MGAT4C: variants seen among roughly 807,000 people sequenced by gnomAD.
MGAT4C encodes MGAT4 family member C, also known as alpha-1,3-mannosyl-glycoprotein 4-beta-N-acetylglucosaminyltransferase C.
In MGAT4C, 19 loss-of-function variants were observed where a neutral mutation model predicts 40.1. That is an observed-to-expected ratio of 0.47 (90% confidence interval 0.33 to 0.70). The LOEUF is 0.70. Among genes scored for constraint, MGAT4C ranks in the 30% least tolerant of loss-of-function variants. The probability of loss-of-function intolerance (pLI) is 0.02; values close to 1 mark genes in which losing one functional copy is unlikely to be tolerated. For missense variants in MGAT4C, 491 were observed against 563.2 expected, an observed-to-expected ratio of 0.87 and a Z score of 1.30; for synonymous variants, 181 against 187.1, an observed-to-expected ratio of 0.97 and a Z score of 0.27.
intron 3 of MGAT4C, among the ~76,000 whole-genome samples, chr12:86,422,081 G>A (rs1956838658): frequency 6.6e-6 from 1 of 152,112 alleles, no homozygotes; most frequent in Non-Finnish European, 1.5e-5. Flanking sequence ...CCAAAGATAA[G>A]ACAGAATGAT....
intron 4 of MGAT4C, among the ~76,000 whole-genome samples, chr12:86,318,805 T>C (rs1485447560): frequency 2.6e-5 from 4 of 152,186 alleles, no homozygotes; most frequent in Admixed American, 2.6e-4. Flanking sequence ...TGTTTAATTA[T>C]TTAGGATCAT....
At chr12:86,164,677 G>C (rs1453141608) in intron 1 of MGAT4C, among the ~76,000 whole-genome samples, 1 of 152,120 alleles carries the variant, frequency 6.6e-6, no homozygotes, top group Non-Finnish European at 1.5e-5. Context: ...GATAATTATG[G>C]GCAGAAGAAG....
chr12:86,669,208 A>G (rs1242796612), intron 2 of MGAT4C, among the ~76,000 whole-genome samples: 1 of 152,130 alleles, frequency 6.6e-6, no homozygotes, highest in Non-Finnish European at 1.5e-5. Flanking sequence ...ATCTTAGTGC[A>G]ACAGGGCCTT....
intron 3 of MGAT4C, among the ~76,000 whole-genome samples, chr12:86,414,188 T>C (rs1432568327): frequency 1.3e-5 from 2 of 151,994 alleles, no homozygotes; most frequent in Admixed American, 6.6e-5. Flanking sequence ...ATATTAAGGA[T>C]AAAAATCTTG....
intron 2 of MGAT4C, among the ~76,000 whole-genome samples, chr12:86,654,000 T>C (rs917474621): frequency 1.3e-5 from 2 of 151,908 alleles, no homozygotes; most frequent in Non-Finnish European, 2.9e-5. Flanking sequence ...CAAGCAAATG[T>C]TACACAAAGT....
At chr12:86,609,779 A>G (rs1962182730) in intron 2 of MGAT4C, among the ~76,000 whole-genome samples, 1 of 114,898 alleles carries the variant, frequency 8.7e-6, no homozygotes, top group African/African-American at 2.9e-5. Context: ...TATGCTAAAT[A>G]AGGCACTACC....
In MGAT4C at chr12:86,131,651, T is replaced by C. The variant is rs923718478; in HGVS notation, c.-56-81928A>G. On this transcript the variant is annotated intron_variant, in intron 1 of 4. Transcript: ENST00000611864. ...CTTTATGTCATTAGTCAGACTTTGA[T>C]GTTTATCTTACGAGACCCTTAATTC... Among the ~76,000 whole-genome samples the C allele has an allele frequency of 7.2e-5, 11 of 152,224 alleles. No individual in the cohort carries two copies. In the East Asian group the frequency reaches 2.1e-3, roughly 29 times the overall value.
chr12:86,047,503 T>C (rs1892511637), intron 2 of MGAT4C, among the ~76,000 whole-genome samples: 1 of 152,162 alleles, frequency 6.6e-6, no homozygotes, highest in Non-Finnish European at 1.5e-5. Flanking sequence ...GCCAGCTTCC[T>C]GTGTGAAAAT....
intron 2 of MGAT4C, among the ~76,000 whole-genome samples, chr12:86,025,346 G>A (rs560884724): frequency 6.6e-6 from 1 of 151,630 alleles, no homozygotes; most frequent in African/African-American, 2.4e-5. Flanking sequence ...TTTCCCTTGT[G>A]TAATCGAAAC....
intron 2 of MGAT4C, among the ~76,000 whole-genome samples, chr12:86,539,740 G>A (rs1229195201): frequency 1.3e-5 from 2 of 152,258 alleles, no homozygotes; most frequent in East Asian, 3.9e-4. Context: ...GTATCTCATT[G>A]TGGTTTTGAT....
intron 2 of MGAT4C, among the ~76,000 whole-genome samples, chr12:86,503,717 T>A (rs1958412197): frequency 1.2e-5 from 1 of 82,966 alleles, no homozygotes; most frequent in Non-Finnish European, 2.3e-5. Flanking sequence ...TGCTCATATA[T>A]ATATATATGA....
rs973451397 is a variant in MGAT4C at position 86,132,807 on chromosome 12, A to G, written c.-56-83084T>C. Among the ~76,000 whole-genome samples the G allele has an allele frequency of 3.4e-4, 52 of 151,592 alleles. 1 individual carries two copies. Among genetic ancestry groups the G allele is most frequent in the South Asian group, 3.3e-3 (16 of 4,818 alleles). On this transcript the variant is annotated intron_variant, in intron 1 of 4. Coordinates refer to ENST00000611864, the MANE Select transcript of MGAT4C (RefSeq NM_001351288.2). ...ACTCCGTCTCAAAAAAAAAAAAAAA[A>G]AAAAAAGAAAAAAGAAAAACTGACA...
intron 1 of MGAT4C, among the ~76,000 whole-genome samples, chr12:86,247,760 T>A (rs928250437): frequency 6.6e-6 from 1 of 152,168 alleles, no homozygotes; most frequent in African/African-American, 2.4e-5. Context: ...AAAGTAAATG[T>A]TGCTGGAACA....
intron 3 of MGAT4C, among the ~76,000 whole-genome samples, chr12:86,388,919 G>A (rs1345494789): frequency 6.6e-6 from 1 of 151,940 alleles, no homozygotes; most frequent in Admixed American, 6.6e-5. Context: ...CCTGACCTCA[G>A]GTGATCCGCT....
At chr12:86,550,785 C>T (rs532032287) in intron 2 of MGAT4C, among the ~76,000 whole-genome samples, 1 of 152,302 alleles carries the variant, frequency 6.6e-6, no homozygotes, top group South Asian at 2.1e-4. Flanking sequence ...ACACCCCTCC[C>T]TAGTGGGAAA....
intron 2 of MGAT4C, among the ~76,000 whole-genome samples, chr12:86,535,268 T>C (rs1389568825): frequency 6.6e-6 from 1 of 152,140 alleles, no homozygotes; most frequent in Non-Finnish European, 1.5e-5. Flanking sequence ...TTACACGTTT[T>C]ACCAATATTA....
intron 2 of MGAT4C, among the ~76,000 whole-genome samples, chr12:86,475,990 A>T (rs193215204): frequency 5.9e-5 from 9 of 152,204 alleles, no homozygotes; most frequent in African/African-American, 2.2e-4. Flanking sequence ...TAATGAAATG[A>T]TTACTATAGG....
At chr12:86,160,715 T>C (rs1040936055) in intron 1 of MGAT4C, among the ~76,000 whole-genome samples, 19 of 152,076 alleles carry the variant, frequency 1.2e-4, no homozygotes, top group African/African-American at 4.6e-4. Context: ...TCTAAGTCTT[T>C]ATAGGCCAAG....
chr12:86,710,976 C>A (rs2136631026), intron 2 of MGAT4C, among the ~76,000 whole-genome samples: 1 of 151,996 alleles, frequency 6.6e-6, no homozygotes. Flanking sequence ...CAAATGGGAG[C>A]AAAGTTATAA....
Sources: allele counts gnomAD v4.1 joint callset (sites outside exome capture counted in the v4.1 genomes callset), GRCh38; gene constraint gnomAD v4.1.1; transcripts MANE v1.5; gene names NCBI Gene and HGNC (gene_info 2026-07-23, HGNC 2026-07-21).